The following RPF2 variants were observed in gnomAD, a reference collection of about 807,000 sequenced individuals.
RPF2 encodes the protein ribosome production factor 2 homolog, also known as brix domain containing 1.
In RPF2, 21 loss-of-function variants were observed where a neutral mutation model predicts 38.9. The ratio of observed to expected loss-of-function variants is 0.54; its 90% CI spans 0.38 to 0.78. The LOEUF is 0.78. RPF2 is among the 30% of genes least tolerant of loss of function. RPF2 has a pLI of 0.00. For missense variants in RPF2, 314 were observed against 358.1 expected, an observed-to-expected ratio of 0.88 and a Z score of 0.99; for synonymous variants, 121 against 126.2, an observed-to-expected ratio of 0.96 and a Z score of 0.28.
rs561997484 is a variant in RPF2 at position 111,027,624 on chromosome 6, A to G, written c.*2042A>G. On this transcript the variant is annotated 3_prime_UTR_variant, in exon 10 of 10. Coordinates refer to ENST00000441448, the MANE Select transcript of RPF2 (RefSeq NM_032194.3). ...CTGGAAAATCAGCCAATCTTAACCC[A>G]AAGATGGCCATGATTTCTGTATGTG... The G allele has an allele frequency of 6.5e-4, 99 of 152,288 alleles. No homozygotes were observed. The highest frequency in any genetic ancestry group is 2.4e-3 in the African/African-American group (99 of 41,568). 9.4% of individuals were successfully genotyped at this position (152,288 alleles called of 1,614,324 possible). A position where few individuals can be genotyped will look rare whatever the true frequency, so the allele number is the denominator to read the frequency against.
chr6:111,006,627 A>G lies in RPF2; in HGVS notation c.394-1411A>G, dbSNP rs1027900712. 5.3e-5 allele frequency among the ~76,000 whole-genome samples: 8 copies of G among 152,068 alleles called. No individual in the cohort carries two copies. In the East Asian group the frequency reaches 9.7e-4, roughly 18 times the overall value. On this transcript the variant is annotated intron_variant, in intron 6 of 9. Coordinates refer to ENST00000441448, the MANE Select transcript of RPF2 (RefSeq NM_032194.3). ...TTATAATTAAACTTATTTATTCATG[A>G]GACAAGGTCTTACTCTGTCACCCAG...
At chr6:110,982,221 T>C in intron 1 of RPF2, 92 bp downstream of exon 1, 1 of 1,428,710 alleles carries the variant, frequency 7.0e-7, no homozygotes. Flanking sequence ...CTCTTCCTGG[T>C]TACCCCTCTA....
chr6:111,016,288 A>G (rs1413227074), intron 8 of RPF2, among the ~76,000 whole-genome samples: 4 of 152,146 alleles, frequency 2.6e-5, no homozygotes, highest in African/African-American at 9.7e-5. Context: ...CCCCTACCAC[A>G]ATATAAATAT....
chr6:111,019,454 ATT>A (rs1772189315), intron 8 of RPF2, among the ~76,000 whole-genome samples: 1 of 151,840 alleles, frequency 6.6e-6, no homozygotes, highest in Non-Finnish European at 1.5e-5. Context: ...ACAAAACAAA[ATT>A]AAACTTATGT....
intron 7 of RPF2, among the ~76,000 whole-genome samples, chr6:111,014,275 G>A (rs768017640): frequency 1.3e-5 from 2 of 151,852 alleles, no homozygotes; most frequent in Non-Finnish European, 2.9e-5. Context: ...TAGCTAGGGA[G>A]GCACTTGCCA....
At chr6:111,020,207 C>A (rs375551376) in intron 8 of RPF2, among the ~76,000 whole-genome samples, 1 of 151,854 alleles carries the variant, frequency 6.6e-6, no homozygotes, top group Non-Finnish European at 1.5e-5. Context: ...CATGAGCCAC[C>A]GCGCCTGACC....
intron 8 of RPF2, among the ~76,000 whole-genome samples, chr6:111,021,743 G>C (rs1054774107): frequency 6.6e-6 from 1 of 152,136 alleles, no homozygotes; most frequent in Non-Finnish European, 1.5e-5. Flanking sequence ...ACTTAACTTG[G>C]CTCCCCAGGC....
intron 6 of RPF2, among the ~76,000 whole-genome samples, chr6:111,000,726 A>G (rs1049572783): frequency 3.9e-5 from 6 of 152,172 alleles, no homozygotes; most frequent in Admixed American, 3.9e-4. Flanking sequence ...TAGACCTCAT[A>G]GCAATCTGGG....
chr6:110,985,811 G>A (rs913383872), intron 2 of RPF2, among the ~76,000 whole-genome samples: 18 of 151,928 alleles, frequency 1.2e-4, no homozygotes, highest in Non-Finnish European at 2.2e-4. Flanking sequence ...GGTGGCGGGC[G>A]CCTGTAGTCC....
At chr6:111,012,866 C>G (rs4113076) in intron 7 of RPF2, among the ~76,000 whole-genome samples, 19,642 of 152,078 alleles carry the variant, frequency 0.13, 1,756 homozygotes, top group East Asian at 0.49. Flanking sequence ...GACAGAGTTT[C>G]GCCATGTTCG....
At chr6:111,016,753 G>C (rs1772121844) in intron 8 of RPF2, among the ~76,000 whole-genome samples, 1 of 144,040 alleles carries the variant, frequency 6.9e-6, no homozygotes, top group Non-Finnish European at 1.5e-5. Context: ...CAGGGTCATA[G>C]GGCAATAGTG....
intron 6 of RPF2, among the ~76,000 whole-genome samples, chr6:111,003,254 C>T (rs1166984933): frequency 6.6e-6 from 1 of 152,126 alleles, no homozygotes; most frequent in African/African-American, 2.4e-5. Flanking sequence ...CACCTACCTA[C>T]TTTTGTTGCC....
chr6:111,015,730 T>C, intron 7 of RPF2, 24 bp from the exon 8 acceptor site: 2 of 1,476,744 alleles, frequency 1.4e-6, no homozygotes, highest in Non-Finnish European at 1.9e-6. Context: ...TTTGTTTTGT[T>C]AATAATTTAA....
chr6:111,017,381 C>T (rs1158078356), intron 8 of RPF2, among the ~76,000 whole-genome samples: 6 of 144,288 alleles, frequency 4.2e-5, no homozygotes, highest in African/African-American at 1.0e-4. Flanking sequence ...CTGGACGGGG[C>T]GGCTGCCAGG....
intron 5 of RPF2, among the ~76,000 whole-genome samples, chr6:110,998,531 A>G (rs9487572): frequency 0.041 from 6,218 of 152,214 alleles, 170 homozygotes; most frequent in South Asian, 0.1. Context: ...TTTTTATTCA[A>G]TGTCACAAGG....
chr6:111,015,918 T>A, intron 8 of RPF2, 62 bp downstream of exon 8: 1 of 1,250,214 alleles, frequency 8.0e-7, no homozygotes, highest in Non-Finnish European at 1.2e-6. Flanking sequence ...ACTGTGTGAC[T>A]GTTTTTTAGA....
intron 2 of RPF2, 71 bp downstream of exon 2, chr6:110,985,209 T>G: frequency 7.5e-7 from 1 of 1,330,820 alleles, no homozygotes; most frequent in South Asian, 1.5e-5. Flanking sequence ...TAGGATGGGC[T>G]GTCGGAGAAA....
At chr6:111,016,283 AC>A (rs146007811) in intron 8 of RPF2, among the ~76,000 whole-genome samples, 2,394 of 152,222 alleles carry the variant, frequency 0.016, 38 homozygotes, top group Admixed American at 0.031. Flanking sequence ...TTCTACCCCT[AC>A]CACAATATAA....
chr6:110,994,734 T>TATATATATATATATATACAC (rs1436106936), intron 4 of RPF2, among the ~76,000 whole-genome samples: 9 of 134,064 alleles, frequency 6.7e-5, no homozygotes, highest in African/African-American at 2.9e-4. Flanking sequence ...TGAGTATATA[T>TATATATATATATATATACAC]ACACACACAC....
Sources: allele counts gnomAD v4.1 joint callset (sites outside exome capture counted in the v4.1 genomes callset), GRCh38; gene constraint gnomAD v4.1.1; transcripts MANE v1.5; gene names NCBI Gene and HGNC (gene_info 2026-07-23, HGNC 2026-07-21).